The following AP3B1 variants were observed in gnomAD, a reference collection of about 807,000 sequenced individuals.
AP3B1 encodes adaptor related protein complex 3 subunit beta 1, also known as AP-3 complex subunit beta-1.
In AP3B1, 61 loss-of-function variants were observed where a neutral mutation model predicts 132.5. The ratio of observed to expected loss-of-function variants is 0.46; its 90% CI spans 0.37 to 0.57. AP3B1 has a LOEUF of 0.57. Among genes scored for constraint, AP3B1 ranks in the 20% least tolerant of loss-of-function variants. The pLI is 0.00. For missense variants in AP3B1, 1,120 were observed against 1,289.4 expected (o/e 0.87, Z 2.01); for synonymous variants, 388 against 438.3 (o/e 0.89, Z 1.43).
At chr5:78,246,504 T>C (rs907552969) in intron 2 of AP3B1, among the ~76,000 whole-genome samples, 1 of 152,232 alleles carries the variant, frequency 6.6e-6, no homozygotes, top group African/African-American at 2.4e-5. Context: ...ATTTTTTTAA[T>C]GAAAAATTCA....
intron 21 of AP3B1, among the ~76,000 whole-genome samples, chr5:78,092,017 T>C (rs1410681330): frequency 1.3e-5 from 2 of 152,216 alleles, no homozygotes; most frequent in African/African-American, 4.8e-5. Context: ...CACTATAGAA[T>C]TAGAAACTGC....
At chr5:78,226,404 T>G (rs1266699839) in intron 5 of AP3B1, among the ~76,000 whole-genome samples, 1 of 152,086 alleles carries the variant, frequency 6.6e-6, no homozygotes, top group Non-Finnish European at 1.5e-5. Flanking sequence ...TCAGCTTAAG[T>G]CTTCCTTCTC....
At chr5:78,100,380 G>A (rs1751078568) in intron 21 of AP3B1, among the ~76,000 whole-genome samples, 1 of 152,126 alleles carries the variant, frequency 6.6e-6, no homozygotes, top group Non-Finnish European at 1.5e-5. Flanking sequence ...AAGGGGAGGT[G>A]GTAAATACAT....
intron 22 of AP3B1, among the ~76,000 whole-genome samples, chr5:78,074,926 C>G (rs113194878): frequency 6.6e-6 from 1 of 151,842 alleles, no homozygotes; most frequent in Non-Finnish European, 1.5e-5. Context: ...AAAGCAAAAC[C>G]CTGTCTCAAA....
In AP3B1 at chr5:78,089,459, A is replaced by G; in HGVS notation, c.2511T>C (p.Ala837=). The change falls in exon 22 of 27, where the codon GCT becomes GCC. Residue 837 remains alanine, a synonymous_variant. Coordinates refer to ENST00000255194, the MANE Select transcript of AP3B1 (RefSeq NM_003664.5). The part of the protein sequence containing the change: ...VSTPVALPTP[A]LSPSLMADLE... ...GATCAGCCATCAAACTTGGAGAAAG[A>G]GCTGGTGTGGGAAGTGCAACTGGAG... is the stretch of plus-strand genomic sequence containing the variant. The G allele has an allele frequency of 1.2e-6, 2 of 1,613,492 alleles. No individual in the cohort carries two copies. The highest frequency in any genetic ancestry group is 1.7e-6 in the Non-Finnish European group (2 of 1,179,486).
chr5:78,140,724 A>C (rs1347189306), intron 15 of AP3B1, among the ~76,000 whole-genome samples: 1 of 152,074 alleles, frequency 6.6e-6, no homozygotes, highest in Non-Finnish European at 1.5e-5. Flanking sequence ...GCCATTCTGG[A>C]CTCACCTTCA....
chr5:78,156,065 G>A (rs1244363088), intron 14 of AP3B1, among the ~76,000 whole-genome samples, 193 bp downstream of exon 14: 4 of 152,024 alleles, frequency 2.6e-5, no homozygotes, highest in Admixed American at 1.3e-4. Flanking sequence ...CTAATACCAC[G>A]AGGCTCATTC....
At chr5:78,003,494 T>C in intron 26 of AP3B1, 1 of 784,788 alleles carries the variant, frequency 1.3e-6, no homozygotes, top group Non-Finnish European at 1.5e-6. Context: ...ACTCCTCATA[T>C]CTGAAAATGA....
intron 14 of AP3B1, among the ~76,000 whole-genome samples, chr5:78,151,718 G>A (rs1377723748): frequency 6.6e-6 from 1 of 152,048 alleles, no homozygotes; most frequent in Non-Finnish European, 1.5e-5. Flanking sequence ...TGGTCATGAC[G>A]AATGATTTTT....
chr5:78,196,961 T>C (rs899582790), intron 7 of AP3B1, among the ~76,000 whole-genome samples: 1 of 152,184 alleles, frequency 6.6e-6, no homozygotes, highest in Non-Finnish European at 1.5e-5. Flanking sequence ...TGTTATCATA[T>C]ATCAGACAAA....
chr5:78,291,072 C>G (rs1406910730), intron 1 of AP3B1, among the ~76,000 whole-genome samples: 2 of 152,130 alleles, frequency 1.3e-5, no homozygotes, highest in African/African-American at 2.4e-5. Context: ...ATAGGATCTA[C>G]TTTCATAAAG....
chr5:78,013,696 G>C (rs181292922), intron 26 of AP3B1, among the ~76,000 whole-genome samples: 1 of 152,238 alleles, frequency 6.6e-6, no homozygotes, highest in East Asian at 1.9e-4. Flanking sequence ...ATTAAAACAG[G>C]AAAACTCAAA....
intron 3 of AP3B1, among the ~76,000 whole-genome samples, chr5:78,229,107 G>A (rs959104827): frequency 6.6e-6 from 1 of 151,872 alleles, no homozygotes. Context: ...TTTTTTTTAG[G>A]ATTTTATAGA....
chr5:78,055,172 T>C (rs1411656069), intron 22 of AP3B1, among the ~76,000 whole-genome samples: 1 of 152,214 alleles, frequency 6.6e-6, no homozygotes, highest in Non-Finnish European at 1.5e-5. Context: ...GTTTTCTTCA[T>C]GGCAAAGGCA....
At chr5:78,248,679 C>T (rs1747488736) in intron 2 of AP3B1, among the ~76,000 whole-genome samples, 1 of 152,072 alleles carries the variant, frequency 6.6e-6, no homozygotes, top group Admixed American at 6.6e-5. Context: ...GATTGGTCCG[C>T]CTAAATATCC....
At chr5:78,173,740 G>T (rs113788909) in intron 11 of AP3B1, among the ~76,000 whole-genome samples, 25 of 152,032 alleles carry the variant, frequency 1.6e-4, no homozygotes, top group African/African-American at 6.0e-4. Context: ...GCCTTGGTAG[G>T]TTGGGGAAGT....
rs907054125 is a variant in AP3B1, at chr5:78,279,478, C to G, written c.129-11883G>C. ...ATGTGAGAAATTCTAAAATCACATGCCTTTTATGTATATCATCATAAAACC... is the reference window on the plus strand; with the variant it reads ...ATGTGAGAAATTCTAAAATCACATGGCTTTTATGTATATCATCATAAAACC... On this transcript the variant is annotated intron_variant, in intron 1 of 26. Transcript: ENST00000255194. Among the ~76,000 whole-genome samples, 7 of 151,656 alleles carry G rather than the reference C, an allele frequency of 4.6e-5. No individual in the cohort carries two copies. In the South Asian group the frequency reaches 1.5e-3, roughly 32 times the overall value.
chr5:78,078,475 T>C (rs961912656), intron 22 of AP3B1, among the ~76,000 whole-genome samples: 1 of 152,210 alleles, frequency 6.6e-6, no homozygotes, highest in Non-Finnish European at 1.5e-5. Context: ...CCCCAAAACA[T>C]ACATTTTGTA....
At chr5:78,174,059 TGTTTATTCTA>T (rs1193269875) in intron 11 of AP3B1, among the ~76,000 whole-genome samples, 1 of 152,198 alleles carries the variant, frequency 6.6e-6, no homozygotes, top group Non-Finnish European at 1.5e-5. Context: ...TTCTCTACAC[TGTTTATTCTA>T]GTTAGCCATT....
Sources: gnomAD v4.1 joint callset for allele counts (sites outside exome capture counted in the v4.1 genomes callset) on GRCh38, gnomAD v4.1.1 for gene constraint, MANE v1.5 for transcripts, NCBI Gene and HGNC (gene_info 2026-07-23, HGNC 2026-07-21) for gene names.